Variants in AVIL observed in about 807,000 individuals in gnomAD.
AVIL encodes advillin.
In AVIL, 78 loss-of-function variants were observed where a neutral mutation model predicts 109.9. The ratio of observed to expected loss-of-function variants is 0.71; its 90% CI spans 0.59 to 0.86. The LOEUF (loss-of-function observed/expected upper bound fraction) is 0.86. Ranked by LOEUF, AVIL falls within the 40% of genes least tolerant of loss-of-function variation. AVIL has a pLI of 0.00. For synonymous variants in AVIL, 367 were observed against 379.1 expected (o/e 0.97, Z 0.37); for missense variants, 892 against 1,016.5 (o/e 0.88, Z 1.67).
chr12:57,806,335 C>A, intron 14 of AVIL, 25 bp downstream of exon 14: 1 of 1,613,554 alleles, frequency 6.2e-7, no homozygotes, highest in South Asian at 1.1e-5. Flanking sequence ...AGGGGCTGGT[C>A]TGACCCGGGG....
At chr12:57,808,584 G>A (rs1361082956) in intron 9 of AVIL, 36 bp from the exon 10 acceptor site, 9 of 1,609,760 alleles carry the variant, frequency 5.6e-6, no homozygotes, top group African/African-American at 1.3e-5. Context: ...CAGGTCAGTG[G>A]TGGAATACAC....
rs768461318 is a variant in AVIL, at chr12:57,814,171, TC to T, written c.121del (p.Asp41ThrfsTer83). On this transcript the variant is annotated frameshift_variant, in exon 3 of 20. Coordinates refer to ENST00000549994, the MANE Select transcript of AVIL (RefSeq NM_006576.4). LOFTEE classifies it high-confidence loss of function. ...GCTCACCGAGAGGATGACGTAGCAG[TC>T]CCCCTCATAGAAGTTGCCGTGGGCG... ...VSAHGNFYEGDCYVILSTRRV... is the reference protein window; with the variant it reads ...VSAHGNFYEGXCYVILSTRRV... The T allele has an allele frequency of 1.4e-5, 23 of 1,612,650 alleles. No individual in the cohort carries two copies. The Admixed American group carries it at 2.2e-4, about 15-fold the overall frequency.
At chr12:57,816,630 A>G (rs572676421) in intron 1 of AVIL, among the ~76,000 whole-genome samples, 56 of 150,302 alleles carry the variant, frequency 3.7e-4, no homozygotes, top group South Asian at 8.4e-4. Context: ...TCTCATTCCA[A>G]TTCTTCCCAA....
rs766305302 is a variant in AVIL at position 57,813,219 on chromosome 12, C to T, written c.338+8G>A. On this transcript the variant is annotated splice_region_variant and intron_variant, in intron 4 of 19. Transcript: ENST00000549994. Reference sequence around the variant, plus strand: ...GTTTCTGTCCTTGCTCTGTGCACCCCTACTCACATGATGCCCTGCTTGAAG... The same window carrying T: ...GTTTCTGTCCTTGCTCTGTGCACCCTTACTCACATGATGCCCTGCTTGAAG... 6.2e-7 allele frequency: 1 copy of T among 1,609,630 alleles called. No homozygotes were observed. Among genetic ancestry groups the T allele is most frequent in the South Asian group, 1.1e-5 (1 of 90,960 alleles).
rs1478149720 is a variant in AVIL at position 57,802,327 on chromosome 12, C to A, written c.1984G>T (p.Glu662Ter). 3.1e-6 allele frequency: 5 copies of A among 1,612,804 alleles called. No individual in the cohort carries two copies. Among genetic ancestry groups the A allele is most frequent in the South Asian group, 1.1e-5 (1 of 90,776 alleles). Residue 662 changes from glutamate (E) to a stop codon, truncating the protein, a stop_gained, in exon 17 of 20, where the codon GAG becomes TAG. Coordinates refer to ENST00000549994, the MANE Select transcript of AVIL (RefSeq NM_006576.4). LOFTEE classifies it high-confidence loss of function. ...CTCTCCTTCTCCGTGGCATTGGCCT[C>A]AGCCCCAATCCACAAGAACACCTGT... The part of the protein sequence containing the change: ...WDQVFLWIGA[E>*]ANATEKESAL...
At position 57,808,409 on chromosome 12, in the gene AVIL, C is replaced by T. The variant is rs370369375; in HGVS notation, c.1079G>A (p.Ser360Asn). 2 of 1,614,080 alleles carry T rather than the reference C, an allele frequency of 1.2e-6. No individual in the cohort carries two copies. The highest frequency in any genetic ancestry group is 2.7e-5 in the African/African-American group (2 of 74,922). ...GGCAGTCTCACCAATTTTACCAATG[C>T]TGAACGTTTTCCCCAGGCCCATGGT... ...DQTMGLGKTF[S>N]IGKIAKVFQD... The change falls in exon 10 of 20, where the codon AGC (serine) becomes AAC (asparagine). Residue 360 changes from serine (S) to asparagine (N), a missense_variant. Transcript: ENST00000549994.
At chr12:57,809,496 A>C (rs1010129018) in intron 9 of AVIL, 101 bp downstream of exon 9, 2 of 1,364,964 alleles carry the variant, frequency 1.5e-6, no homozygotes, top group Non-Finnish European at 2.1e-6. Flanking sequence ...CGTAAGCACA[A>C]TGTTATATGC....
chr12:57,813,991 C>T (rs2140460042), intron 3 of AVIL, among the ~76,000 whole-genome samples, 161 bp downstream of exon 3: 1 of 152,222 alleles, frequency 6.6e-6, no homozygotes, highest in East Asian at 1.9e-4. Flanking sequence ...TTAATGATGG[C>T]CTTTGATAGT....
rs1417618233 is a variant in AVIL at position 57,814,199 on chromosome 12, T to C, written c.94A>G (p.Ser32Gly). ...EKMELALVPVSAHGNFYEGDC... is the reference protein window; with the variant it reads ...EKMELALVPVGAHGNFYEGDC... ...CCCTCATAGAAGTTGCCGTGGGCGC[T>C]CACAGGCACCAGCGCCAGCTCCATT... The change falls in exon 3 of 20, where the codon AGC becomes GGC. Residue 32 changes from serine to glycine, a missense_variant. Transcript: ENST00000549994. 3 of 1,612,540 alleles carry C rather than the reference T, an allele frequency of 1.9e-6. No individual in the cohort carries two copies. Among genetic ancestry groups the C allele is most frequent in the East Asian group, 4.5e-5 (2 of 44,754 alleles).
rs113457890 is a variant in AVIL, at chr12:57,803,131, G to C, written c.1962+116C>G. On this transcript the variant is annotated intron_variant, in intron 16 of 19. Transcript: ENST00000549994. ...GGTCACTGCTGACAAAGGTTTGATT[G>C]AGCTGGGGATGGTCCAGGGCTACCC... 6.5e-5 allele frequency: 86 copies of C among 1,331,006 alleles called. 1 individual carries two copies. The African/African-American group carries it at 9.7e-4, about 15-fold the overall frequency. The allele number at this position is 1,331,006 out of a possible 1,614,324, so 82.4% of individuals were successfully genotyped here.
At position 57,818,182 on chromosome 12, in the gene AVIL, C is replaced by CTTTTTTTT. The variant is rs66731427; in HGVS notation, c.-20+439_-20+446dup. 8.4e-3 allele frequency among the ~76,000 whole-genome samples: 295 copies of CTTTTTTTT among 35,270 alleles called. 71 individuals are homozygous for CTTTTTTTT. Among genetic ancestry groups the CTTTTTTTT allele is most frequent in the East Asian group, 0.018 (10 of 560 alleles). 23.1% of individuals were successfully genotyped at this position (35,270 alleles called of 152,430 possible). Reference sequence around the variant, plus strand: ...CACAGGTGTGCACCACCATGCTTGGCTTTTTTTTTTTTTTTTTTTTTTTTT... The same window carrying CTTTTTTTT: ...CACAGGTGTGCACCACCATGCTTGGCTTTTTTTTTTTTTTTTTTTTTTTTTTTTTTTTT... On this transcript the variant is annotated intron_variant, in intron 1 of 19. Coordinates refer to ENST00000549994, the MANE Select transcript of AVIL (RefSeq NM_006576.4).
Position 57,803,817 on chromosome 12 carries a change from C to A in AVIL, c.1672-148G>T. On this transcript the variant is annotated intron_variant, in intron 14 of 19. Coordinates refer to ENST00000549994, the MANE Select transcript of AVIL (RefSeq NM_006576.4). ...GCCTGGGAAGACAGACAAGTTTGTT[C>A]TAGTGCTGGGGAGTGGGGAGGAAAA... is the stretch of plus-strand genomic sequence containing the variant. 4.4e-6 allele frequency: 5 copies of A among 1,145,230 alleles called. No homozygotes were observed. In the South Asian group the frequency reaches 7.9e-5, roughly 18 times the overall value. 70.9% of individuals were successfully genotyped at this position (1,145,230 alleles called of 1,614,324 possible). A position where few individuals can be genotyped will look rare whatever the true frequency, so the allele number is the denominator to read the frequency against.
chr12:57,810,713 T>C, intron 6 of AVIL, 103 bp downstream of exon 6: 1 of 1,430,288 alleles, frequency 7.0e-7, no homozygotes. Context: ...CCAAGACAGA[T>C]TCTACTCAAA....
Position 57,797,824 on chromosome 12 carries a change from G to A in AVIL, c.*58C>T. ...GAAATTGGTGGATAAATTATTTCCT[G>A]ATATTGGCACTATCTGCTCTTTTCT... On this transcript the variant is annotated 3_prime_UTR_variant, in exon 20 of 20. Coordinates refer to ENST00000549994, the MANE Select transcript of AVIL (RefSeq NM_006576.4). 7.7e-7 allele frequency: 1 copy of A among 1,291,276 alleles called. No homozygotes were observed. Among genetic ancestry groups the A allele is most frequent in the Non-Finnish European group, 1.1e-6 (1 of 950,036 alleles). The allele number at this position is 1,291,276 out of a possible 1,614,324, so 80.0% of individuals were successfully genotyped here. A position where few individuals can be genotyped will look rare whatever the true frequency, so the allele number is the denominator to read the frequency against.
rs766937793 is a variant in AVIL at position 57,803,333 on chromosome 12, C to T, written c.1876G>A (p.Gly626Ser). 7.3e-5 allele frequency: 118 copies of T among 1,614,090 alleles called. No individual in the cohort carries two copies. Among genetic ancestry groups the T allele is most frequent in the East Asian group, 2.2e-4 (10 of 44,886 alleles). ...SRLFECSNKT[G>S]QFVVTEITDF... is the part of the protein sequence containing the mutation. ...GTGATCTCAGTGACAACGAATTGGC[C>T]GGTCTTATTGGAACATTCAAAGAGA... The change falls in exon 16 of 20, where the codon GGC becomes AGC. Residue 626 changes from glycine to serine, a missense_variant. Gly to Ser is a moderately conservative substitution (Grantham distance 56). Coordinates refer to ENST00000549994, the MANE Select transcript of AVIL (RefSeq NM_006576.4).
chr12:57,809,502 T>C (rs1192649696), intron 9 of AVIL, 95 bp downstream of exon 9: 12 of 1,407,602 alleles, frequency 8.5e-6, no homozygotes, highest in South Asian at 1.2e-5. Flanking sequence ...CACAATGTTA[T>C]ATGCTCAAAT....
In AVIL at chr12:57,810,760, C is replaced by T; in HGVS notation, c.558+56G>A. On this transcript the variant is annotated intron_variant, in intron 6 of 19. Coordinates refer to ENST00000549994, the MANE Select transcript of AVIL (RefSeq NM_006576.4). ...ACCTTGATTCTTGGGGAAGAGCCAG[C>T]ATGGAGGGAAGAAGAAAGAGGAACT... The T allele has an allele frequency of 2.6e-6, 4 of 1,559,400 alleles. 1 individual carries two copies. The highest frequency in any genetic ancestry group is 1.7e-4 in the Middle Eastern group (1 of 5,972).
intron 2 of AVIL, chr12:57,815,521 C>A (rs746843756): frequency 2.2e-4 from 260 of 1,170,612 alleles, no homozygotes; most frequent in Non-Finnish European, 2.7e-4. Context: ...CACAGAGGGT[C>A]CCAAGCCCAA....
chr12:57,813,457 C>T, intron 3 of AVIL, 34 bp from the exon 4 acceptor site: 1 of 1,590,696 alleles, frequency 6.3e-7, no homozygotes, highest in Non-Finnish European at 8.6e-7. Flanking sequence ...GGTCAGAGGC[C>T]AGCTCACCTC....
Sources: allele counts gnomAD v4.1 joint callset (sites outside exome capture counted in the v4.1 genomes callset), GRCh38; gene constraint gnomAD v4.1.1; transcripts MANE v1.5; gene names NCBI Gene and HGNC (gene_info 2026-07-23, HGNC 2026-07-21).